The following DTNA variants were observed in gnomAD, a reference collection of about 807,000 sequenced individuals.
DTNA encodes dystrobrevin alpha.
Under a neutral mutation model 100.7 loss-of-function variants are expected in DTNA, and 43 were observed. The ratio of observed to expected loss-of-function variants is 0.43; its 90% CI spans 0.33 to 0.55. The LOEUF is 0.55. DTNA is among the 20% of genes least tolerant of loss of function. The pLI is 0.04. For missense variants in DTNA, 798 were observed against 953.9 expected, an observed-to-expected ratio of 0.84 and a Z score of 2.15; for synonymous variants, 349 against 347.9, an observed-to-expected ratio of 1.00 and a Z score of -0.04.
At chr18:34,870,164 A>G (rs1156593631) in intron 17 of DTNA, among the ~76,000 whole-genome samples, 2 of 152,264 alleles carry the variant, frequency 1.3e-5, no homozygotes, top group Non-Finnish European at 2.9e-5. Context: ...ATGTCTATAC[A>G]TTGGTATTAT....
Position 34,546,775 on chromosome 18 carries a change from TCTC to T in DTNA, c.-2+53262_-2+53264del, listed in dbSNP as rs1339360631. The stretch of plus-strand genomic sequence containing the variant: ...TCTTTCTTTCTTTCTTTTTTTTTTA[TCTC>T]AGCTCACTGCAACTTCTGCTTCCCA... On this transcript the variant is annotated intron_variant, in intron 1 of 19. Transcript: ENST00000283365. Among the ~76,000 whole-genome samples, 347 of 147,526 alleles carry T rather than the reference TCTC, an allele frequency of 2.4e-3. 2 individuals are homozygous for T. The highest frequency in any genetic ancestry group is 8.9e-3 in the African/African-American group (330 of 37,124).
intron 1 of DTNA, among the ~76,000 whole-genome samples, chr18:34,673,207 T>A (rs1219162061): frequency 6.6e-6 from 1 of 152,124 alleles, no homozygotes; most frequent in Non-Finnish European, 1.5e-5. Flanking sequence ...CACCTCAGCC[T>A]CCCAAGCAGC....
chr18:34,560,186 A>C (rs1598586118), intron 1 of DTNA, among the ~76,000 whole-genome samples: 1 of 152,228 alleles, frequency 6.6e-6, no homozygotes, highest in South Asian at 2.1e-4. Flanking sequence ...TTTGCACCTC[A>C]GCTGTGTTGA....
intron 1 of DTNA, among the ~76,000 whole-genome samples, chr18:34,681,695 A>AACACACACACAC (rs71813996): frequency 4.3e-4 from 62 of 142,998 alleles, no homozygotes; most frequent in African/African-American, 1.3e-3. Context: ...CCCTATACAC[A>AACACACACACAC]ACACACACAC....
At chr18:34,635,374 A>C (rs1470021468) in intron 1 of DTNA, among the ~76,000 whole-genome samples, 2 of 152,204 alleles carry the variant, frequency 1.3e-5, no homozygotes, top group Non-Finnish European at 2.9e-5. Flanking sequence ...TCCTTTGAAT[A>C]AATACCCACT....
At chr18:34,755,863 A>G (rs1301492321) in intron 1 of DTNA, 113 bp from the exon 2 acceptor site, 1 of 911,820 alleles carries the variant, frequency 1.1e-6, no homozygotes, top group East Asian at 2.6e-5. Flanking sequence ...AACAGTTTTA[A>G]ATAGGTTTTC....
intron 15 of DTNA, among the ~76,000 whole-genome samples, chr18:34,854,114 GT>G (rs1568785180): frequency 6.6e-6 from 1 of 152,186 alleles, no homozygotes; most frequent in Non-Finnish European, 1.5e-5. Context: ...TGGAATGCTT[GT>G]GTGAGTATTG....
rs772291280 is a variant in DTNA, at chr18:34,565,735, A to G, written c.-2+72221A>G. ...ATCCTTGGATTTAGAGCCCACCTTA[A>G]TGCAGGATGATTTCATCCCAAGATC... On this transcript the variant is annotated intron_variant, in intron 1 of 19. Transcript: ENST00000283365. 2.6e-5 allele frequency among the ~76,000 whole-genome samples: 4 copies of G among 152,290 alleles called. No individual in the cohort carries two copies. The South Asian group carries it at 8.3e-4, about 32-fold the overall frequency.
intron 16 of DTNA, 102 bp downstream of exon 16, chr18:34,858,500 C>T (rs532365724): frequency 8.6e-7 from 1 of 1,169,304 alleles, no homozygotes; most frequent in African/African-American, 1.5e-5. Context: ...GCTACCTTAG[C>T]TGCTGACATT....
Position 34,496,438 on chromosome 18 carries a change from G to A in DTNA, c.-2+2924G>A, listed in dbSNP as rs149470004. Among the ~76,000 whole-genome samples, 35 of 152,264 alleles carry A rather than the reference G, an allele frequency of 2.3e-4. No individual in the cohort carries two copies. The East Asian group carries it at 6.8e-3, about 29-fold the overall frequency. Reference sequence around the variant, plus strand: ...CATACATATATCCTTTCTTAACTCAGTGTTCCAGTTTTCTAGCGTCTGTTA... The same window carrying A: ...CATACATATATCCTTTCTTAACTCAATGTTCCAGTTTTCTAGCGTCTGTTA... On this transcript the variant is annotated intron_variant, in intron 1 of 19. Transcript: ENST00000283365.
chr18:34,497,676 C>G (rs1472327262), intron 1 of DTNA, among the ~76,000 whole-genome samples: 2 of 150,762 alleles, frequency 1.3e-5, no homozygotes, highest in Non-Finnish European at 2.9e-5. Context: ...TCTGATATTT[C>G]CATTGTTTAA....
intron 4 of DTNA, among the ~76,000 whole-genome samples, chr18:34,797,603 C>T (rs1223663070): frequency 6.6e-6 from 1 of 152,116 alleles, no homozygotes; most frequent in Non-Finnish European, 1.5e-5. Context: ...CTTCAAAGGA[C>T]CTTTAATGTT....
At chr18:34,772,963 CAGCT>C (rs1487514382) in intron 3 of DTNA, among the ~76,000 whole-genome samples, 2 of 152,202 alleles carry the variant, frequency 1.3e-5, no homozygotes, top group African/African-American at 4.8e-5. Flanking sequence ...TGCTGGCTGT[CAGCT>C]GGAGACTACC....
intron 22 of DTNA, among the ~76,000 whole-genome samples, chr18:34,886,251 G>C (rs567328717): frequency 6.6e-6 from 1 of 152,346 alleles, no homozygotes; most frequent in African/African-American, 2.4e-5. Context: ...AAATCATGGA[G>C]TAATTGCTAT....
chr18:34,550,141 A>G (rs1404614742), intron 1 of DTNA, among the ~76,000 whole-genome samples: 2 of 152,134 alleles, frequency 1.3e-5, no homozygotes, highest in Non-Finnish European at 1.5e-5. Flanking sequence ...CTAGTGTACA[A>G]CCTCAGTTGG....
intron 1 of DTNA, among the ~76,000 whole-genome samples, chr18:34,616,956 AT>A (rs933660622): frequency 1.6e-4 from 25 of 152,040 alleles, no homozygotes; most frequent in African/African-American, 5.5e-4. Flanking sequence ...AATGCTACTG[AT>A]TTTTTTCATT....
intron 1 of DTNA, among the ~76,000 whole-genome samples, chr18:34,529,827 G>C (rs1278512248): frequency 1.3e-5 from 2 of 152,094 alleles, no homozygotes; most frequent in Non-Finnish European, 2.9e-5. Flanking sequence ...CTGGAAGTCT[G>C]GTTTAATCCA....
intron 11 of DTNA, among the ~76,000 whole-genome samples, chr18:34,831,643 CTG>C (rs1315725945): frequency 2.0e-5 from 3 of 152,106 alleles, no homozygotes; most frequent in African/African-American, 7.2e-5. Context: ...TGGCGGGTGC[CTG>C]TAATCCCAGC....
intron 1 of DTNA, among the ~76,000 whole-genome samples, chr18:34,537,854 G>GA (rs1171882642): frequency 2.0e-5 from 3 of 151,798 alleles, no homozygotes; most frequent in Admixed American, 6.6e-5. Flanking sequence ...TTATACACTT[G>GA]AAAAAATATG....
Sources: allele counts gnomAD v4.1 joint callset (sites outside exome capture counted in the v4.1 genomes callset), GRCh38; gene constraint gnomAD v4.1.1; transcripts MANE v1.5; gene names NCBI Gene and HGNC (gene_info 2026-07-23, HGNC 2026-07-21).